GUCY1A2: variants seen among roughly 807,000 people sequenced by gnomAD.
GUCY1A2 encodes the protein guanylate cyclase soluble subunit alpha-2.
Under a neutral mutation model 63.5 loss-of-function variants are expected in GUCY1A2, and 27 were observed. The ratio of observed to expected loss-of-function variants is 0.43; its 90% CI spans 0.31 to 0.59. The LOEUF is 0.59. GUCY1A2 is among the 20% of genes least tolerant of loss of function. GUCY1A2 has a pLI of 0.11. For missense variants in GUCY1A2, 768 were observed against 913.3 expected, an observed-to-expected ratio of 0.84 and a Z score of 2.05; for synonymous variants, 364 against 343.5, an observed-to-expected ratio of 1.06 and a Z score of -0.66.
intron 4 of GUCY1A2, among the ~76,000 whole-genome samples, chr11:106,881,060 CA>C (rs1407077578): frequency 6.6e-6 from 1 of 152,000 alleles, no homozygotes; most frequent in Non-Finnish European, 1.5e-5. Flanking sequence ...AGGTTCCTTC[CA>C]GCTCTAGCAT....
rs1862398970 is a variant in GUCY1A2, at chr11:106,679,594, TAAGAC to T, written c.*7950_*7954del. ...ACAACAAATGTTTTTAAATGATTCA[TAAGAC>T]AAAAGTATATTCTTCTCACTGAATG... is the stretch of plus-strand genomic sequence containing the variant. On this transcript the variant is annotated 3_prime_UTR_variant, in exon 8 of 8. Transcript: ENST00000526355. 4.8e-6 allele frequency: 1 copy of T among 207,944 alleles called. No individual in the cohort carries two copies. The highest frequency in any genetic ancestry group is 5.9e-5 in the Admixed American group (1 of 16,910). The allele number at this position is 207,944 out of a possible 1,614,324, so 12.9% of individuals were successfully genotyped here. A position where few individuals can be genotyped will look rare whatever the true frequency, so the allele number is the denominator to read the frequency against.
chr11:106,703,432 A>G (rs1055361490), intron 7 of GUCY1A2, among the ~76,000 whole-genome samples: 4 of 152,220 alleles, frequency 2.6e-5, no homozygotes, highest in Admixed American at 2.0e-4. Context: ...TAATCACAAA[A>G]GAGTCCTTAA....
intron 4 of GUCY1A2, among the ~76,000 whole-genome samples, chr11:106,883,412 T>C (rs1859853896): frequency 6.6e-6 from 1 of 152,148 alleles, no homozygotes; most frequent in Admixed American, 6.6e-5. Flanking sequence ...TTCAAAAATA[T>C]CATGCACTTA....
intron 2 of GUCY1A2, 70 bp downstream of exon 2, chr11:106,986,000 C>T: frequency 3.6e-6 from 3 of 842,530 alleles, no homozygotes; most frequent in South Asian, 1.4e-5. Flanking sequence ...AAATCACATA[C>T]TCAACAGCTA....
intron 6 of GUCY1A2, among the ~76,000 whole-genome samples, chr11:106,744,460 G>A (rs1863752605): frequency 6.6e-6 from 1 of 152,000 alleles, no homozygotes; most frequent in Non-Finnish European, 1.5e-5. Flanking sequence ...TTACATAAAT[G>A]CTTTTTAAAT....
chr11:106,734,970 T>G (rs1863563914), intron 6 of GUCY1A2, among the ~76,000 whole-genome samples: 1 of 152,092 alleles, frequency 6.6e-6, no homozygotes, highest in South Asian at 2.1e-4. Flanking sequence ...TCTCCTAGTA[T>G]TTTCTTTTAA....
intron 4 of GUCY1A2, chr11:106,824,139 G>A (rs886074975): frequency 1.6e-5 from 24 of 1,466,598 alleles, no homozygotes; most frequent in South Asian, 2.5e-5. Context: ...TGAGGCACAT[G>A]CTATTACTGT....
At chr11:106,731,900 G>A (rs1863512285) in intron 6 of GUCY1A2, among the ~76,000 whole-genome samples, 1 of 151,794 alleles carries the variant, frequency 6.6e-6, no homozygotes, top group Non-Finnish European at 1.5e-5. Context: ...AATCAGAGAT[G>A]GTACAAACAA....
At chr11:106,825,019 G>A (rs999591144) in intron 4 of GUCY1A2, 5 of 1,545,878 alleles carry the variant, frequency 3.2e-6, no homozygotes, top group Non-Finnish European at 4.4e-6. Context: ...CACTATTTTT[G>A]TAGTTAGACA....
intron 4 of GUCY1A2, among the ~76,000 whole-genome samples, chr11:106,845,219 A>C (rs1859254277): frequency 6.6e-6 from 1 of 151,570 alleles, no homozygotes; most frequent in Non-Finnish European, 1.5e-5. Flanking sequence ...TGTTTCATAG[A>C]ATTAATGTTT....
At chr11:106,704,591 T>C (rs1395949294) in intron 7 of GUCY1A2, among the ~76,000 whole-genome samples, 2 of 152,188 alleles carry the variant, frequency 1.3e-5, no homozygotes, top group Non-Finnish European at 2.9e-5. Flanking sequence ...ATAGGCGTTC[T>C]AAAACATCTG....
At chr11:106,992,478 C>T (rs773818994) in intron 1 of GUCY1A2, among the ~76,000 whole-genome samples, 20 of 151,750 alleles carry the variant, frequency 1.3e-4, no homozygotes, top group Admixed American at 2.0e-4. Context: ...TACAGGCACC[C>T]GCCTCCATGC....
At chr11:106,940,836 TTTC>T (rs1262741342) in intron 3 of GUCY1A2, among the ~76,000 whole-genome samples, 2 of 152,236 alleles carry the variant, frequency 1.3e-5, no homozygotes, top group Non-Finnish European at 2.9e-5. Context: ...TATTTTTCTT[TTTC>T]TTAATGATTT....
intron 3 of GUCY1A2, among the ~76,000 whole-genome samples, chr11:106,952,843 T>C (rs1031770600): frequency 6.6e-6 from 1 of 152,074 alleles, no homozygotes; most frequent in East Asian, 1.9e-4. Context: ...TTTCACCATG[T>C]TGGCCAGTCT....
chr11:106,843,082 AATTT>A (rs201549393), intron 4 of GUCY1A2, among the ~76,000 whole-genome samples: 1,957 of 152,016 alleles, frequency 0.013, 27 homozygotes, highest in South Asian at 0.048. Context: ...GCAAATTCCA[AATTT>A]ATTATGTTCT....
chr11:106,870,394 T>C (rs893684429), intron 4 of GUCY1A2, among the ~76,000 whole-genome samples: 43 of 152,126 alleles, frequency 2.8e-4, no homozygotes, highest in African/African-American at 9.7e-4. Context: ...AGTTTATAAA[T>C]ATATTTTATT....
intron 6 of GUCY1A2, among the ~76,000 whole-genome samples, chr11:106,748,512 TCC>T (rs1411574647): frequency 6.6e-6 from 1 of 152,216 alleles, no homozygotes; most frequent in Non-Finnish European, 1.5e-5. Context: ...CCTTCTGTGT[TCC>T]CTCCCTGTTA....
chr11:106,829,515 C>A (rs76947144), intron 4 of GUCY1A2, among the ~76,000 whole-genome samples: 1 of 152,076 alleles, frequency 6.6e-6, no homozygotes, highest in Non-Finnish European at 1.5e-5. Flanking sequence ...TTTAACAGAA[C>A]AGGATCAGGA....
At chr11:106,749,079 T>TTAC (rs1173929780) in intron 6 of GUCY1A2, among the ~76,000 whole-genome samples, 2 of 152,056 alleles carry the variant, frequency 1.3e-5, no homozygotes, top group Non-Finnish European at 2.9e-5. Context: ...ACATAAATAC[T>TTAC]TACCATCATG....
Sources: allele counts gnomAD v4.1 joint callset (sites outside exome capture counted in the v4.1 genomes callset), GRCh38; gene constraint gnomAD v4.1.1; transcripts MANE v1.5; gene names NCBI Gene and HGNC (gene_info 2026-07-23, HGNC 2026-07-21).